The following BRCA1 variants were observed in gnomAD, a reference collection of about 807,000 sequenced individuals.
BRCA1 encodes the protein BRCA1 DNA repair associated.
BRCA1 carries 140 observed loss-of-function variants against 173.7 expected under a neutral mutation model. The ratio of observed to expected loss-of-function variants is 0.81; its 90% CI spans 0.70 to 0.93. The LOEUF (loss-of-function observed/expected upper bound fraction) is 0.93, where lower values mean the gene tolerates loss of function less well. Ranked by LOEUF, BRCA1 falls within the 40% of genes least tolerant of loss-of-function variation. BRCA1 has a pLI of 0.00. For missense variants in BRCA1, 1,983 were observed against 2,172.5 expected (o/e 0.91, Z 1.73); for synonymous variants, 662 against 756.0 (o/e 0.88, Z 2.04).
intron 1 of BRCA1, among the ~76,000 whole-genome samples, chr17:43,152,915 A>G (rs2154581620): frequency 6.6e-6 from 1 of 152,088 alleles, no homozygotes. Context: ...GGTGCCTGTA[A>G]TCCCAGCTAC....
At chr17:43,169,704 C>T (rs1168218414) in intron 1 of BRCA1, among the ~76,000 whole-genome samples, 2 of 152,000 alleles carry the variant, frequency 1.3e-5, no homozygotes, top group Non-Finnish European at 2.9e-5. Context: ...TTTCCCCCGC[C>T]CGTCCCCCGG....
intron 18 of BRCA1, among the ~76,000 whole-genome samples, chr17:43,059,356 C>T (rs1391153403): frequency 6.6e-6 from 1 of 151,996 alleles, no homozygotes; most frequent in Non-Finnish European, 1.5e-5. Context: ...CCCAGCTACT[C>T]GGGAGGCTGA....
chr17:43,049,076 G>A (rs1432367884), intron 21 of BRCA1, 45 bp downstream of exon 21: 1 of 1,575,260 alleles, frequency 6.3e-7, no homozygotes, highest in Non-Finnish European at 8.7e-7. Flanking sequence ...GCTCACAGGA[G>A]AGAATATTGT....
chr17:43,059,898 CTATTAT>C (rs751755637), intron 18 of BRCA1, among the ~76,000 whole-genome samples: 11 of 151,626 alleles, frequency 7.3e-5, no homozygotes, highest in East Asian at 1.9e-4. Context: ...CTACACTGGC[CTATTAT>C]TATTATTATT....
exon 1 of BRCA1, chr17:43,170,164 T>C (rs929297117): frequency 1.9e-5 from 4 of 209,092 alleles, no homozygotes; most frequent in Non-Finnish European, 4.0e-5. Flanking sequence ...CGGCCTTAGC[T>C]TCCTCGGAAG....
intron 1 of BRCA1, chr17:43,163,118 T>G (rs1406850805): frequency 1.3e-5 from 2 of 152,252 alleles, no homozygotes; most frequent in South Asian, 4.1e-4. Context: ...GGCCTTTATA[T>G]TCAGGTTTTC....
intron 1 of BRCA1, among the ~76,000 whole-genome samples, chr17:43,132,029 C>A (rs527978657): frequency 1.6e-4 from 24 of 152,288 alleles, no homozygotes; most frequent in South Asian, 4.1e-4. Flanking sequence ...AGCAATCCAG[C>A]GGCCTCAGCC....
rs587781491 is a variant in BRCA1 at position 43,104,204 on chromosome 17, T to C, written c.359A>G (p.Asp120Gly). Reference protein sequence around the residue: ...KENNSPEHLKDEVSIIQSMGY... With the variant: ...KENNSPEHLKGEVSIIQSMGY... ...CATACTTTGGATGATAGAAACTTCA[T>C]CTTTTAGATGTTCAGGAGAGTTATT... is the stretch of plus-strand genomic sequence containing the variant. The change falls in exon 6 of 23, where the codon GAT becomes GGT. Residue 120 changes from aspartate (D) to glycine (G), a missense_variant. Coordinates refer to ENST00000357654, the MANE Select transcript of BRCA1 (RefSeq NM_007294.4). 2 of 1,613,704 alleles carry C rather than the reference T, an allele frequency of 1.2e-6. No individual in the cohort carries two copies. Among genetic ancestry groups the C allele is most frequent in the Non-Finnish European group, 1.7e-6 (2 of 1,179,580 alleles).
intron 12 of BRCA1, among the ~76,000 whole-genome samples, chr17:43,078,709 T>C (rs560931801): frequency 2.0e-5 from 3 of 152,172 alleles, no homozygotes; most frequent in African/African-American, 7.2e-5. Context: ...TCAAATGCAT[T>C]ATTTATAGTT....
intron 6 of BRCA1, among the ~76,000 whole-genome samples, chr17:43,100,593 T>TAAC (rs1244000199): frequency 7.2e-5 from 7 of 97,382 alleles, no homozygotes; most frequent in African/African-American, 2.1e-4. Flanking sequence ...AACATATATA[T>TAAC]ATTATATATA....
chr17:43,055,009 C>T (rs1198691600), intron 19 of BRCA1, among the ~76,000 whole-genome samples: 1 of 152,118 alleles, frequency 6.6e-6, no homozygotes, highest in Non-Finnish European at 1.5e-5. Context: ...CTTGGGCTCC[C>T]AAAGTGCTGG....
Position 43,093,473 on chromosome 17 carries a change from T to A in BRCA1, c.2058A>T (p.Glu686Asp), listed in dbSNP as rs1262148583. 6.2e-7 allele frequency: 1 copy of A among 1,614,124 alleles called. No homozygotes were observed. Among genetic ancestry groups the A allele is most frequent in the Admixed American group, 1.7e-5 (1 of 60,010 alleles). ...TGAKKSNKPN[E>D]QTSKRHDSDT... ...CGCTGTCATGTCTTTTACTTGTCTG[T>A]TCATTTGGCTTGTTACTCTTCTTGG... The change falls in exon 10 of 23, where the codon GAA becomes GAT. Residue 686 changes from glutamate (E) to aspartate (D), a missense_variant. Glu to Asp is a conservative substitution (Grantham distance 45, BLOSUM62 2). Coordinates refer to ENST00000357654, the MANE Select transcript of BRCA1 (RefSeq NM_007294.4).
chr17:43,079,426 T>C (rs758063472), intron 12 of BRCA1: 1 of 1,562,412 alleles, frequency 6.4e-7, no homozygotes, highest in Non-Finnish European at 8.7e-7. Context: ...ATTGTAGACA[T>C]CAAGGGAACG....
chr17:43,132,109 C>T (rs531807766), intron 1 of BRCA1, among the ~76,000 whole-genome samples: 1 of 152,310 alleles, frequency 6.6e-6, no homozygotes, highest in East Asian at 1.9e-4. Context: ...TTAATCCTCA[C>T]ATCAACTGAC....
intron 7 of BRCA1, among the ~76,000 whole-genome samples, 158 bp from the exon 8 acceptor site, chr17:43,097,447 A>G (rs2054189459): frequency 1.3e-5 from 2 of 152,218 alleles, no homozygotes. Flanking sequence ...TGTAATACAG[A>G]GAAGTGGTTA....
rs755731300 is a variant in BRCA1, at chr17:43,074,461, C to T, written c.4545G>A (p.Gly1515=). 1 of 1,614,098 alleles carries T rather than the reference C, an allele frequency of 6.2e-7. No homozygotes were observed. The highest frequency in any genetic ancestry group is 1.1e-5 in the South Asian group (1 of 91,074). The change falls in exon 14 of 23, where the codon GGG becomes GGA. Residue 1515 remains glycine (G), a synonymous_variant. Transcript: ENST00000357654. ...ATGGGTAGTTTCTATTCTGAAGACT[C>T]CCAGAGCAACTGTGCATGTACCACC... ...DDRWYMHSCS[G]SLQNRNYPSQ...
At chr17:43,118,761 C>CTTT (rs35150209) in intron 2 of BRCA1, among the ~76,000 whole-genome samples, 5 of 136,624 alleles carry the variant, frequency 3.7e-5, no homozygotes, top group Non-Finnish European at 4.7e-5. Context: ...GAATGTGAAC[C>CTTT]TTTTTTTTTT....
rs80357096 is a variant in BRCA1 at position 43,071,229 on chromosome 17, G to A, written c.4685C>T (p.Pro1562Leu). The change falls in exon 15 of 23, where the codon CCT becomes CTT. Residue 1562 changes from proline (P) to leucine (L), a missense_variant. Coordinates refer to ENST00000357654, the MANE Select transcript of BRCA1 (RefSeq NM_007294.4). ...GAGGCTGATTCCAGATTCCAGGTAA[G>A]GGGTTCCCTCTGAAAGGAATGGGAG... is the stretch of plus-strand genomic sequence containing the variant. ...YLPRQDLEGT[P>L]YLESGISLFS... The A allele has an allele frequency of 6.2e-7, 1 of 1,614,120 alleles. No homozygotes were observed. The highest frequency in any genetic ancestry group is 8.5e-7 in the Non-Finnish European group (1 of 1,179,992).
intron 6 of BRCA1, among the ~76,000 whole-genome samples, chr17:43,101,591 G>A (rs1425100304): frequency 6.6e-6 from 1 of 151,642 alleles, no homozygotes; most frequent in Non-Finnish European, 1.5e-5. Context: ...CAACCTCCGC[G>A]TCCTAGGTTC....
Sources: gnomAD v4.1 joint callset for allele counts (sites outside exome capture counted in the v4.1 genomes callset) on GRCh38, gnomAD v4.1.1 for gene constraint, MANE v1.5 for transcripts, NCBI Gene and HGNC (gene_info 2026-07-23, HGNC 2026-07-21) for gene names.